ZBTB20: variants seen among roughly 807,000 people sequenced by gnomAD.
The protein encoded by ZBTB20 is zinc finger and BTB domain-containing protein 20.
In ZBTB20, 9 loss-of-function variants were observed where a neutral mutation model predicts 56.9. The observed-to-expected ratio is 0.16, with a 90% confidence interval of 0.10 to 0.28. The LOEUF (loss-of-function observed/expected upper bound fraction) is 0.28, where lower values mean the gene tolerates loss of function less well. ZBTB20 is among the 10% of genes least tolerant of loss of function. ZBTB20 has a pLI of 1.00. For missense variants in ZBTB20, 655 were observed against 1,003.0 expected, an observed-to-expected ratio of 0.65 and a Z score of 4.69; for synonymous variants, 417 against 420.7, an observed-to-expected ratio of 0.99 and a Z score of 0.11.
At chr3:115,123,842 G>A (rs748769542) in intron 1 of ZBTB20, among the ~76,000 whole-genome samples, 1 of 152,164 alleles carries the variant, frequency 6.6e-6, no homozygotes, top group Non-Finnish European at 1.5e-5. Flanking sequence ...GGACTGAGGA[G>A]AGGCTGGGGT....
At position 114,566,592 on chromosome 3, in the gene ZBTB20, A is replaced by G. The variant is rs190556010; in HGVS notation, c.-294-66201T>C. 6.6e-5 allele frequency among the ~76,000 whole-genome samples: 10 copies of G among 152,276 alleles called. No individual in the cohort carries two copies. The East Asian group carries it at 1.7e-3, about 26-fold the overall frequency. On this transcript the variant is annotated intron_variant, in intron 6 of 11. Transcript: ENST00000675478. The stretch of plus-strand genomic sequence containing the variant: ...CAGCACAAGTTGAAAGCTATTTCCA[A>G]TTCTGCTTTTATTAGTCACCTCCCA...
intron 7 of ZBTB20, among the ~76,000 whole-genome samples, chr3:114,437,334 A>G (rs1282866348): frequency 7.2e-5 from 11 of 152,144 alleles, no homozygotes; most frequent in Admixed American, 7.2e-4. Context: ...GTTGCTCAAC[A>G]GGCGGTCAGC....
At chr3:114,697,787 A>G (rs1314419740) in intron 5 of ZBTB20, among the ~76,000 whole-genome samples, 2 of 152,052 alleles carry the variant, frequency 1.3e-5, no homozygotes, top group African/African-American at 4.8e-5. Flanking sequence ...AGGGAGAGGA[A>G]AAAATAGGAA....
intron 2 of ZBTB20, among the ~76,000 whole-genome samples, chr3:114,977,232 G>A (rs1004061962): frequency 2.0e-5 from 3 of 152,156 alleles, no homozygotes; most frequent in African/African-American, 7.2e-5. Flanking sequence ...CCTAATGCAA[G>A]CACAAGCCTT....
At chr3:114,908,118 T>C (rs1309348921) in intron 3 of ZBTB20, among the ~76,000 whole-genome samples, 1 of 151,912 alleles carries the variant, frequency 6.6e-6, no homozygotes, top group Admixed American at 6.6e-5. Flanking sequence ...CCAGGCTATA[T>C]TCAGATAGAA....
intron 7 of ZBTB20, among the ~76,000 whole-genome samples, chr3:114,443,785 T>A (rs1392472426): frequency 7.9e-5 from 12 of 152,296 alleles, no homozygotes; most frequent in Admixed American, 7.8e-4. Context: ...TGCTAAGCAC[T>A]TTATATACTA....
chr3:114,668,343 AC>A (rs1379879947), intron 6 of ZBTB20, among the ~76,000 whole-genome samples: 1 of 151,976 alleles, frequency 6.6e-6, no homozygotes, highest in Non-Finnish European at 1.5e-5. Context: ...CAATAATAGT[AC>A]CCTGCTCCTA....
At chr3:114,400,067 T>G (rs1314461264) in intron 7 of ZBTB20, among the ~76,000 whole-genome samples, 1 of 152,054 alleles carries the variant, frequency 6.6e-6, no homozygotes, top group Non-Finnish European at 1.5e-5. Context: ...AGAAAATGCT[T>G]TTTTTCCCCA....
chr3:114,468,223 T>C (rs902138744), intron 7 of ZBTB20, among the ~76,000 whole-genome samples: 1 of 152,142 alleles, frequency 6.6e-6, no homozygotes, highest in Admixed American at 6.6e-5. Flanking sequence ...TTAAAACAAC[T>C]ACAGAAATCT....
intron 6 of ZBTB20, among the ~76,000 whole-genome samples, chr3:114,544,425 CTTTCTTTCTT>C (rs1386676768): frequency 4.9e-5 from 3 of 61,366 alleles, no homozygotes; most frequent in Admixed American, 4.8e-4. Context: ...TTCTTTCTTT[CTTTCTTTCTT>C]TCTTTCTTTC....
chr3:114,690,084 C>A (rs1162889482), intron 6 of ZBTB20, among the ~76,000 whole-genome samples: 1 of 152,116 alleles, frequency 6.6e-6, no homozygotes, highest in Non-Finnish European at 1.5e-5. Context: ...TCTCTGTTTG[C>A]TCAGGATAGT....
chr3:114,507,721 C>A (rs2044801934), intron 6 of ZBTB20, among the ~76,000 whole-genome samples: 2 of 152,094 alleles, frequency 1.3e-5, no homozygotes. Flanking sequence ...AATTCAATAA[C>A]TTTTCTAGTC....
chr3:114,639,671 T>A (rs544110871), intron 6 of ZBTB20, among the ~76,000 whole-genome samples: 8 of 152,174 alleles, frequency 5.3e-5, no homozygotes, highest in African/African-American at 1.9e-4. Flanking sequence ...AGTAATCTTA[T>A]ATGAAGAATT....
chr3:114,896,370 G>A (rs1297128186), intron 4 of ZBTB20, among the ~76,000 whole-genome samples: 1 of 152,100 alleles, frequency 6.6e-6, no homozygotes, highest in Non-Finnish European at 1.5e-5. Flanking sequence ...ATGAGTGAAT[G>A]GACAGGCAAA....
chr3:114,360,182 C>A (rs1351570801), intron 10 of ZBTB20, among the ~76,000 whole-genome samples: 1 of 151,362 alleles, frequency 6.6e-6, no homozygotes, highest in Non-Finnish European at 1.5e-5. Context: ...TCCTCTGTTG[C>A]TGTGCTGTTC....
At chr3:114,761,649 A>G (rs2068448915) in intron 5 of ZBTB20, among the ~76,000 whole-genome samples, 1 of 152,078 alleles carries the variant, frequency 6.6e-6, no homozygotes. Flanking sequence ...AGCCTGGCCA[A>G]CATGGTGAAA....
At chr3:114,372,986 G>A (rs1417655644) in intron 10 of ZBTB20, among the ~76,000 whole-genome samples, 5 of 151,764 alleles carry the variant, frequency 3.3e-5, no homozygotes, top group African/African-American at 7.3e-5. Flanking sequence ...GTGCAATCTC[G>A]GCTCACTGCA....
chr3:114,609,482 A>C (rs530541331), intron 6 of ZBTB20, among the ~76,000 whole-genome samples: 1 of 152,334 alleles, frequency 6.6e-6, no homozygotes, highest in Non-Finnish European at 1.5e-5. Flanking sequence ...TGTTATACAC[A>C]AAGTAATCTT....
chr3:114,384,104 CTCTCTCTCTCTCTCTCTCTCTCTCAT>C (rs1446095788), intron 8 of ZBTB20, among the ~76,000 whole-genome samples: 4 of 135,826 alleles, frequency 2.9e-5, no homozygotes, highest in South Asian at 4.8e-4. Flanking sequence ...TTCTCATTCT[CTCTCTCTCTCTCTCTCTCTCTCTCAT>C]TCTCTCTCTC....
Sources: allele counts gnomAD v4.1 joint callset (sites outside exome capture counted in the v4.1 genomes callset), GRCh38; gene constraint gnomAD v4.1.1; transcripts MANE v1.5; gene names NCBI Gene and HGNC (gene_info 2026-07-23, HGNC 2026-07-21).